Variants in ANGPT1 observed in about 807,000 individuals in gnomAD.
ANGPT1 encodes angiopoietin 1.
A neutral mutation model predicts 62.2 loss-of-function variants in ANGPT1; 17 were observed. The ratio of observed to expected loss-of-function variants is 0.27; its 90% CI spans 0.19 to 0.41. The LOEUF (loss-of-function observed/expected upper bound fraction) is 0.41. Ranked by LOEUF, ANGPT1 falls within the 10% of genes least tolerant of loss-of-function variation. The probability of loss-of-function intolerance (pLI) is 1.00; values close to 1 mark genes in which losing one functional copy is unlikely to be tolerated. For missense variants in ANGPT1, 478 were observed against 594.9 expected, an observed-to-expected ratio of 0.80 and a Z score of 2.04; for synonymous variants, 199 against 198.9, an observed-to-expected ratio of 1.00 and a Z score of 0.00.
intron 1 of ANGPT1, among the ~76,000 whole-genome samples, chr8:107,384,467 T>G (rs1366201313): frequency 6.6e-6 from 1 of 152,104 alleles, no homozygotes; most frequent in Non-Finnish European, 1.5e-5. Context: ...AAAATAGACT[T>G]TGCTATATGA....
At chr8:107,465,810 C>A (rs1343788399) in intron 1 of ANGPT1, among the ~76,000 whole-genome samples, 1 of 152,124 alleles carries the variant, frequency 6.6e-6, no homozygotes, top group East Asian at 1.9e-4. Flanking sequence ...GGGCAAGAGA[C>A]CACTGTGGTT....
chr8:107,348,387 T>G (rs1210926306), intron 1 of ANGPT1, among the ~76,000 whole-genome samples: 1 of 152,228 alleles, frequency 6.6e-6, no homozygotes, highest in East Asian at 1.9e-4. Context: ...ATCCCTTGCT[T>G]ATTTCTATTT....
At chr8:107,406,885 C>CAA (rs10628191) in intron 1 of ANGPT1, among the ~76,000 whole-genome samples, 7,071 of 141,686 alleles carry the variant, frequency 0.05, 479 homozygotes, top group African/African-American at 0.15. Context: ...ATTAAATCCT[C>CAA]AAAAAAAAAA....
chr8:107,436,710 C>T (rs1351846883), intron 1 of ANGPT1, among the ~76,000 whole-genome samples: 1 of 152,144 alleles, frequency 6.6e-6, no homozygotes, highest in African/African-American at 2.4e-5. Context: ...AACACTGACC[C>T]GTGAGGACAG....
In ANGPT1 at chr8:107,497,762, T is replaced by G. The variant is rs1813155707; in HGVS notation, c.-204A>C. 1 of 605,152 alleles carries G rather than the reference T, an allele frequency of 1.7e-6. No individual in the cohort carries two copies. The highest frequency in any genetic ancestry group is 1.9e-5 in the African/African-American group (1 of 54,006). The allele number at this position is 605,152 out of a possible 1,614,324, so 37.5% of individuals were successfully genotyped here. On this transcript the variant is annotated 5_prime_UTR_variant, in exon 1 of 9. Transcript: ENST00000517746. ...TTTAAAATTTTTTATTTCACTGCAA[T>G]GATGTTTTTCTTCGTTAAAACTTGA...
intron 1 of ANGPT1, among the ~76,000 whole-genome samples, chr8:107,466,905 C>G (rs1432538373): frequency 2.0e-5 from 3 of 149,114 alleles, no homozygotes; most frequent in African/African-American, 7.4e-5. Context: ...AGCTCCATCT[C>G]AAAAAAAAAA....
chr8:107,326,966 C>A (rs960886921), intron 3 of ANGPT1, among the ~76,000 whole-genome samples: 3 of 152,092 alleles, frequency 2.0e-5, no homozygotes, highest in African/African-American at 7.2e-5. Flanking sequence ...ACACTATAAT[C>A]TCTTCCTATT....
At chr8:107,494,436 C>G (rs1012655517) in intron 1 of ANGPT1, 5 of 152,144 alleles carry the variant, frequency 3.3e-5, no homozygotes, top group Non-Finnish European at 1.5e-5. Context: ...CCAAAAAGAG[C>G]TGTATTACAG....
chr8:107,336,271 C>A lies in ANGPT1; in HGVS notation c.454G>T (p.Val152Leu), dbSNP rs1402411620. 1 of 1,585,450 alleles carries A rather than the reference C, an allele frequency of 6.3e-7. No homozygotes were observed. The highest frequency in any genetic ancestry group is 1.4e-5 in the African/African-American group (1 of 73,060). ...TCAAGTCGAGAAGTTTGATTTAGTA[C>A]CTTAAGATAAAAGATGAAAATATTT... Reference protein sequence around the residue: ...TRKLTDVETQVLNQTSRLEIQ... With the variant: ...TRKLTDVETQLLNQTSRLEIQ... The change falls in exon 3 of 9, where the codon GTA (valine) becomes TTA (leucine). Residue 152 changes from valine to leucine, a missense_variant and splice_region_variant. Coordinates refer to ENST00000517746, the MANE Select transcript of ANGPT1 (RefSeq NM_001146.5).
rs956915038 is a variant in ANGPT1 at position 107,298,020 on chromosome 8, C to T, written c.937-3983G>A. Reference sequence around the variant, plus strand: ...CCTTCCTGTGGACAAGACCCTGCTACATTAACTATGCCTATTGCATTTATT... The same window carrying T: ...CCTTCCTGTGGACAAGACCCTGCTATATTAACTATGCCTATTGCATTTATT... On this transcript the variant is annotated intron_variant, in intron 5 of 8. Coordinates refer to ENST00000517746, the MANE Select transcript of ANGPT1 (RefSeq NM_001146.5). Among the ~76,000 whole-genome samples the T allele has an allele frequency of 2.6e-5, 4 of 151,850 alleles. No homozygotes were observed. In the Admixed American group the frequency reaches 2.6e-4, roughly 10 times the overall value.
chr8:107,428,176 C>G (rs1811086272), intron 1 of ANGPT1, among the ~76,000 whole-genome samples: 1 of 152,176 alleles, frequency 6.6e-6, no homozygotes, highest in African/African-American at 2.4e-5. Flanking sequence ...TCGCAAGCTA[C>G]AAATAATGAA....
At chr8:107,490,593 C>T (rs1041000052) in intron 1 of ANGPT1, among the ~76,000 whole-genome samples, 1 of 152,216 alleles carries the variant, frequency 6.6e-6, no homozygotes, top group Non-Finnish European at 1.5e-5. Context: ...TTTTCCCACA[C>T]AACAAACCTT....
chr8:107,405,751 C>A (rs1229530725), intron 1 of ANGPT1, among the ~76,000 whole-genome samples: 1 of 151,852 alleles, frequency 6.6e-6, no homozygotes, highest in African/African-American at 2.4e-5. Flanking sequence ...CTATTGCTAT[C>A]CTATGACTAT....
In ANGPT1 at chr8:107,368,301, A is replaced by C. The variant is rs1048296308; in HGVS notation, c.298-21204T>G. 2.0e-4 allele frequency among the ~76,000 whole-genome samples: 31 copies of C among 151,628 alleles called. No homozygotes were observed. The East Asian group carries it at 5.6e-3, about 27-fold the overall frequency. On this transcript the variant is annotated intron_variant, in intron 1 of 8. Coordinates refer to ENST00000517746, the MANE Select transcript of ANGPT1 (RefSeq NM_001146.5). ...AAATAATCTTTTTGTTTGAGCAGTA[A>C]GTCTCAAAAGTGGGCTTAAAATATT...
At chr8:107,485,997 G>A (rs552157810) in intron 1 of ANGPT1, among the ~76,000 whole-genome samples, 24 of 152,208 alleles carry the variant, frequency 1.6e-4, no homozygotes, top group Non-Finnish European at 2.8e-4. Flanking sequence ...TAACAGGCCT[G>A]TGGGAGGGCT....
chr8:107,302,700 G>A (rs1012881397), intron 5 of ANGPT1, among the ~76,000 whole-genome samples: 4 of 151,870 alleles, frequency 2.6e-5, no homozygotes, highest in Admixed American at 6.6e-5. Flanking sequence ...CTTGGGTCCT[G>A]TTCAACATAC....
chr8:107,370,352 GAAA>G lies in ANGPT1; in HGVS notation c.298-23258_298-23256del, dbSNP rs1215406931. On this transcript the variant is annotated intron_variant, in intron 1 of 8. Coordinates refer to ENST00000517746, the MANE Select transcript of ANGPT1 (RefSeq NM_001146.5). ...AAGGAAAGAAAGAAAAAGAAAGAAA[GAAA>G]GAAAGAAAGAAAGAAAGAAAGAAAG... Among the ~76,000 whole-genome samples the G allele has an allele frequency of 8.2e-4, 19 of 23,126 alleles. 4 individuals carry two copies. Among genetic ancestry groups the G allele is most frequent in the African/African-American group, 1.5e-3 (18 of 12,396 alleles). 15.2% of individuals were successfully genotyped at this position (23,126 alleles called of 152,430 possible). A position where few individuals can be genotyped will look rare whatever the true frequency, so the allele number is the denominator to read the frequency against.
At chr8:107,376,566 T>G (rs891185536) in intron 1 of ANGPT1, among the ~76,000 whole-genome samples, 2 of 152,102 alleles carry the variant, frequency 1.3e-5, no homozygotes, top group African/African-American at 2.4e-5. Flanking sequence ...TTTCTGTTTG[T>G]TTGGTTGGTT....
intron 7 of ANGPT1, among the ~76,000 whole-genome samples, chr8:107,269,008 CA>C (rs1813679562): frequency 6.6e-6 from 1 of 152,076 alleles, no homozygotes; most frequent in Non-Finnish European, 1.5e-5. Context: ...AAGAGACACA[CA>C]GTCTCTTGCA....
Sources: gnomAD v4.1 joint callset for allele counts (sites outside exome capture counted in the v4.1 genomes callset) on GRCh38, gnomAD v4.1.1 for gene constraint, MANE v1.5 for transcripts, NCBI Gene and HGNC (gene_info 2026-07-23, HGNC 2026-07-21) for gene names.